The following PPARA variants were observed in gnomAD, a reference collection of about 807,000 sequenced individuals.
The protein encoded by PPARA is peroxisome proliferator activated receptor alpha.
PPARA carries 22 observed loss-of-function variants against 42.2 expected under a neutral mutation model. The ratio of observed to expected loss-of-function variants is 0.52; its 90% CI spans 0.37 to 0.74. The LOEUF (loss-of-function observed/expected upper bound fraction) is 0.74. PPARA is among the 30% of genes least tolerant of loss of function. The pLI, the probability that PPARA is intolerant of heterozygous loss-of-function variation, is 0.00. For missense variants in PPARA, 465 were observed against 608.2 expected, an observed-to-expected ratio of 0.76 and a Z score of 2.48; for synonymous variants, 242 against 239.3, an observed-to-expected ratio of 1.01 and a Z score of -0.10.
In PPARA at chr22:46,219,590, T is replaced by C. The variant is rs368430488; in HGVS notation, c.509-222T>C. On this transcript the variant is annotated intron_variant, in intron 6 of 8. Coordinates refer to ENST00000407236, the MANE Select transcript of PPARA (RefSeq NM_005036.6). This position sits in a 1 kb window ranked among gnomAD's most constrained non-coding sequence, Gnocchi z 4.8. ...ACCTTCAGCCTGCACCTGTTAACGA[T>C]GGTGTCACCTTCAGCCTGCACCTGT... Among the ~76,000 whole-genome samples, 39 of 152,272 alleles carry C rather than the reference T, an allele frequency of 2.6e-4. No individual in the cohort carries two copies. In the East Asian group the frequency reaches 6.6e-3, roughly 26 times the overall value.
rs56838159 is a variant in PPARA, at chr22:46,191,485, GTTT to G, written c.-42-6843_-42-6841del. 2.9e-5 allele frequency among the ~76,000 whole-genome samples: 4 copies of G among 137,412 alleles called. No homozygotes were observed. The highest frequency in any genetic ancestry group is 1.1e-4 in the African/African-American group (4 of 37,998). The allele number at this position is 137,412 out of a possible 152,430, so 90.1% of individuals were successfully genotyped here. A position where few individuals can be genotyped will look rare whatever the true frequency, so the allele number is the denominator to read the frequency against. On this transcript the variant is annotated intron_variant, in intron 3 of 8. Coordinates refer to ENST00000407236, the MANE Select transcript of PPARA (RefSeq NM_005036.6). The surrounding 1 kb of genome is among the most constrained non-coding windows in gnomAD (Gnocchi z 4.6). The stretch of plus-strand genomic sequence containing the variant: ...GTTCCTCCCTATTGTGTTCAGTATG[GTTT>G]TTTTTTTTTTTTTCCTTTTGCTGGC...
Position 46,161,191 on chromosome 22 carries a change from C to T in PPARA, c.-127+9221C>T, listed in dbSNP as rs1569184278. 6.6e-6 allele frequency among the ~76,000 whole-genome samples: 1 copy of T among 152,156 alleles called. No homozygotes were observed. Among genetic ancestry groups the T allele is most frequent in the Admixed American group, 6.5e-5 (1 of 15,268 alleles). ...TCAAAACCTAGGAAGTGGATGGAGA[C>T]TCTTTTTGGAATGAATGAATTCAAA... is the stretch of plus-strand genomic sequence containing the variant. On this transcript the variant is annotated intron_variant, in intron 2 of 8. Coordinates refer to ENST00000407236, the MANE Select transcript of PPARA (RefSeq NM_005036.6). The surrounding 1 kb of genome is among the most constrained non-coding windows in gnomAD (Gnocchi z 4.8).
At chr22:46,166,627 A>AAC (rs1175913852) in intron 2 of PPARA, among the ~76,000 whole-genome samples, 1 of 152,016 alleles carries the variant, frequency 6.6e-6, no homozygotes, top group African/African-American at 2.4e-5. Flanking sequence ...TCAAAAAAAA[A>AAC]AAAACAAAAA....
chr22:46,218,726 C>T (rs919183434), intron 6 of PPARA, among the ~76,000 whole-genome samples: 25 of 150,220 alleles, frequency 1.7e-4, no homozygotes, highest in African/African-American at 2.5e-4. Context: ...CCCAGCTACT[C>T]GGGAGGCTGA....
intron 3 of PPARA, among the ~76,000 whole-genome samples, chr22:46,179,966 A>G (rs976104928): frequency 1.3e-5 from 2 of 152,218 alleles, no homozygotes; most frequent in South Asian, 2.1e-4. Flanking sequence ...AAAATTCTCA[A>G]TGTTATCAGT....
In PPARA at chr22:46,222,232, A is replaced by G. The variant is rs1004054866; in HGVS notation, c.711+2218A>G. Among the ~76,000 whole-genome samples, 2 of 151,916 alleles carry G rather than the reference A, an allele frequency of 1.3e-5. No individual in the cohort carries two copies. The highest frequency in any genetic ancestry group is 2.4e-5 in the African/African-American group (1 of 41,318). On this transcript the variant is annotated intron_variant, in intron 7 of 8. Transcript: ENST00000407236. This position sits in a 1 kb window ranked among gnomAD's most constrained non-coding sequence, Gnocchi z 5.9. ...CCTAAGTCCTCCTTCCCCCTCCCCA[A>G]CAGTTAAATAAGTCTTTGTCTCCAT... is the stretch of plus-strand genomic sequence containing the variant.
At chr22:46,220,100 T>C in intron 7 of PPARA, 86 bp downstream of exon 7, 1 of 1,442,712 alleles carries the variant, frequency 6.9e-7, no homozygotes, top group African/African-American at 1.4e-5. Flanking sequence ...TGTTGAATGT[T>C]GAGAAAATTA....
intron 2 of PPARA, among the ~76,000 whole-genome samples, chr22:46,175,441 C>T (rs962390275): frequency 6.6e-6 from 1 of 151,820 alleles, no homozygotes; most frequent in African/African-American, 2.4e-5. Context: ...AGGCCGGGCG[C>T]GGTGGCTCAC....
rs911367788 is a variant in PPARA, at chr22:46,163,720, C to G, written c.-127+11750C>G. On this transcript the variant is annotated intron_variant, in intron 2 of 8. Coordinates refer to ENST00000407236, the MANE Select transcript of PPARA (RefSeq NM_005036.6). The surrounding 1 kb of genome is among the most constrained non-coding windows in gnomAD (Gnocchi z 4.9). ...GGGGAGGGAGACAGCCACATCCTGC[C>G]CGGGGCTCCTGGGCCCCGCTGCATC... is the stretch of plus-strand genomic sequence containing the variant. 9.2e-5 allele frequency: 14 copies of G among 152,366 alleles called. No homozygotes were observed. The East Asian group carries it at 2.5e-3, about 27-fold the overall frequency. 9.4% of individuals were successfully genotyped at this position (152,366 alleles called of 1,614,324 possible).
intron 3 of PPARA, among the ~76,000 whole-genome samples, chr22:46,179,163 G>C (rs530905644): frequency 7.8e-4 from 118 of 152,248 alleles, no homozygotes; most frequent in African/African-American, 2.7e-3. Flanking sequence ...ACCTCCCAAA[G>C]GCTACCTTCA....
chr22:46,217,819 C>CTTTTTTTTTTTTTTTTTTTT lies in PPARA; in HGVS notation c.370-434_370-415dup, dbSNP rs60894989. Among the ~76,000 whole-genome samples, 34 of 77,056 alleles carry CTTTTTTTTTTTTTTTTTTTT rather than the reference C, an allele frequency of 4.4e-4. 7 individuals are homozygous for CTTTTTTTTTTTTTTTTTTTT. Among genetic ancestry groups the CTTTTTTTTTTTTTTTTTTTT allele is most frequent in the African/African-American group, 1.9e-3 (31 of 16,190 alleles). 50.6% of individuals were successfully genotyped at this position (77,056 alleles called of 152,430 possible). On this transcript the variant is annotated intron_variant, in intron 5 of 8. Transcript: ENST00000407236. ...GACTTCTTAGAAGAACTATTTCTTTCTTTTTTTTTTTTTTTTTTTTTTTTT... is the reference window on the plus strand; with the variant it reads ...GACTTCTTAGAAGAACTATTTCTTTCTTTTTTTTTTTTTTTTTTTTTTTTTTTTTTTTTTTTTTTTTTTTT...
In PPARA at chr22:46,161,338, G is replaced by A. The variant is rs1470629164; in HGVS notation, c.-127+9368G>A. Among the ~76,000 whole-genome samples, 1 of 152,114 alleles carries A rather than the reference G, an allele frequency of 6.6e-6. No homozygotes were observed. Among genetic ancestry groups the A allele is most frequent in the Admixed American group, 6.6e-5 (1 of 15,264 alleles). ...GAGGAAGCCTCTGAAAGACAAGAAG[G>A]AACAATTAAAAATTAGAATTCAGGT... On this transcript the variant is annotated intron_variant, in intron 2 of 8. Coordinates refer to ENST00000407236, the MANE Select transcript of PPARA (RefSeq NM_005036.6). The surrounding 1 kb of genome is among the most constrained non-coding windows in gnomAD (Gnocchi z 4.8).
rs1014121338 is a variant in PPARA, at chr22:46,211,370, A to G, written c.209-3803A>G. On this transcript the variant is annotated intron_variant, in intron 4 of 8. Transcript: ENST00000407236. The surrounding 1 kb of genome is among the most constrained non-coding windows in gnomAD (Gnocchi z 4.1). ...GAACTGTTAACCCACACCCTGTGGG[A>G]AAAAAACTCCATCAGCTAGAGCACA... Among the ~76,000 whole-genome samples, 5 of 152,136 alleles carry G rather than the reference A, an allele frequency of 3.3e-5. No individual in the cohort carries two copies. The highest frequency in any genetic ancestry group is 6.6e-5 in the Admixed American group (1 of 15,254).
At chr22:46,213,507 AAG>A (rs1457862702) in intron 4 of PPARA, among the ~76,000 whole-genome samples, 1 of 150,928 alleles carries the variant, frequency 6.6e-6, no homozygotes, top group Non-Finnish European at 1.5e-5. Context: ...TCCCGGGTCC[AAG>A]CGATTCCCCT....
rs4253789 is a variant in PPARA at position 46,183,650 on chromosome 22, G to A, written c.-43+6814G>A. Among the ~76,000 whole-genome samples, 262 of 152,306 alleles carry A rather than the reference G, an allele frequency of 1.7e-3. No homozygotes were observed. The highest frequency in any genetic ancestry group is 0.017 in the Middle Eastern group (5 of 294). On this transcript the variant is annotated intron_variant, in intron 3 of 8. Coordinates refer to ENST00000407236, the MANE Select transcript of PPARA (RefSeq NM_005036.6). The surrounding 1 kb of genome is among the most constrained non-coding windows in gnomAD (Gnocchi z 5.5). ...CCAGTTACCCGGGAGGCTGAGGTGG[G>A]AGGATCACTTGAGCCTGGGAGGTCG...
chr22:46,157,125 C>T (rs1330763588), intron 2 of PPARA, among the ~76,000 whole-genome samples: 5 of 152,212 alleles, frequency 3.3e-5, no homozygotes, highest in South Asian at 2.1e-4. Flanking sequence ...TGACTGTCCT[C>T]GCTGAGTCTA....
In PPARA at chr22:46,190,049, G is replaced by A. The variant is rs1035464308; in HGVS notation, c.-42-8293G>A. Among the ~76,000 whole-genome samples, 16 of 152,262 alleles carry A rather than the reference G, an allele frequency of 1.1e-4. No homozygotes were observed. The highest frequency in any genetic ancestry group is 4.6e-4 in the Admixed American group (7 of 15,286). ...AACCGATGCTAGGTGAAGGTACAGAGGGCTTTCTAGCTTCTGGGTTTGTTT... is the reference window on the plus strand; with the variant it reads ...AACCGATGCTAGGTGAAGGTACAGAAGGCTTTCTAGCTTCTGGGTTTGTTT... On this transcript the variant is annotated intron_variant, in intron 3 of 8. Transcript: ENST00000407236. The surrounding 1 kb of genome is among the most constrained non-coding windows in gnomAD (Gnocchi z 5.6).
intron 2 of PPARA, among the ~76,000 whole-genome samples, chr22:46,157,295 A>T (rs1437681424): frequency 3.3e-5 from 5 of 152,334 alleles, no homozygotes; most frequent in African/African-American, 9.6e-5. Flanking sequence ...CAGTACTGAG[A>T]TGTAGGTGGG....
chr22:46,181,645 G>A (rs1379548232), intron 3 of PPARA, among the ~76,000 whole-genome samples: 1 of 152,130 alleles, frequency 6.6e-6, no homozygotes, highest in Admixed American at 6.6e-5. Context: ...TTAATGTCGG[G>A]TGGCCAGCCG....
Sources: gnomAD v4.1 joint callset for allele counts (sites outside exome capture counted in the v4.1 genomes callset) on GRCh38, gnomAD v4.1.1 for gene constraint, Gnocchi (gnomAD v3.1) non-coding constraint, MANE v1.5 for transcripts, NCBI Gene and HGNC (gene_info 2026-07-23, HGNC 2026-07-21) for gene names.